EXOC6B: variants seen among roughly 807,000 people sequenced by gnomAD.
The protein encoded by EXOC6B is SEC15 homolog B.
A neutral mutation model predicts 113.5 loss-of-function variants in EXOC6B; 54 were observed. That is an observed-to-expected ratio of 0.48 (90% CI 0.38 to 0.60). The LOEUF (loss-of-function observed/expected upper bound fraction) is 0.60, where lower values mean the gene tolerates loss of function less well. Among genes scored for constraint, EXOC6B ranks in the 20% least tolerant of loss-of-function variants. The probability of loss-of-function intolerance (pLI) is 0.00; values close to 1 mark genes in which losing one functional copy is unlikely to be tolerated. For synonymous variants in EXOC6B, 357 were observed against 339.0 expected, an observed-to-expected ratio of 1.05 and a Z score of -0.58; for missense variants, 797 against 977.5, an observed-to-expected ratio of 0.82 and a Z score of 2.46.
chr2:72,810,761 G>A (rs754821386), intron 1 of EXOC6B, among the ~76,000 whole-genome samples: 13 of 152,158 alleles, frequency 8.5e-5, no homozygotes, highest in African/African-American at 2.6e-4. Flanking sequence ...ATAACCATAC[G>A]TCAGTAAGCA....
chr2:72,222,695 T>G (rs1436331774), intron 20 of EXOC6B, among the ~76,000 whole-genome samples: 1 of 152,166 alleles, frequency 6.6e-6, no homozygotes, highest in Non-Finnish European at 1.5e-5. Flanking sequence ...GTCATGCAGC[T>G]GGTGGGCTAC....
intron 6 of EXOC6B, among the ~76,000 whole-genome samples, chr2:72,615,974 T>C (rs1439878692): frequency 6.6e-6 from 1 of 152,150 alleles, no homozygotes; most frequent in Non-Finnish European, 1.5e-5. Context: ...TTTAAAATTT[T>C]TCAATGTAAA....
At chr2:72,404,802 T>C (rs574628474) in intron 18 of EXOC6B, among the ~76,000 whole-genome samples, 25 of 152,184 alleles carry the variant, frequency 1.6e-4, no homozygotes, top group Admixed American at 8.5e-4. Context: ...TCAGAGCGCC[T>C]TTCCTCCTCC....
At chr2:72,676,928 A>G (rs1676356648) in intron 6 of EXOC6B, among the ~76,000 whole-genome samples, 1 of 152,188 alleles carries the variant, frequency 6.6e-6, no homozygotes, top group African/African-American at 2.4e-5. Context: ...CAAGAAAGGA[A>G]TTCTACCAAA....
chr2:72,247,977 C>T (rs1682773158), intron 20 of EXOC6B, among the ~76,000 whole-genome samples: 1 of 152,098 alleles, frequency 6.6e-6, no homozygotes, highest in Non-Finnish European at 1.5e-5. Context: ...CTAGCTGTCC[C>T]TGAGGAGGCT....
chr2:72,602,359 C>T (rs1670487181), intron 6 of EXOC6B, among the ~76,000 whole-genome samples: 1 of 152,056 alleles, frequency 6.6e-6, no homozygotes, highest in Non-Finnish European at 1.5e-5. Context: ...GGATTTTATG[C>T]TTAAGTCTCT....
chr2:72,180,935 C>T (rs897365717), intron 21 of EXOC6B, among the ~76,000 whole-genome samples: 2 of 152,092 alleles, frequency 1.3e-5, no homozygotes, highest in African/African-American at 2.4e-5. Context: ...TTCGGCTGGG[C>T]GCGGTAGCTC....
intron 18 of EXOC6B, among the ~76,000 whole-genome samples, chr2:72,444,925 T>A (rs1048537023): frequency 4.6e-5 from 7 of 152,342 alleles, no homozygotes; most frequent in African/African-American, 1.4e-4. Flanking sequence ...ATAGGGATCC[T>A]CATTTCTAAT....
intron 18 of EXOC6B, among the ~76,000 whole-genome samples, chr2:72,447,902 T>C (rs1161784234): frequency 6.6e-6 from 1 of 152,188 alleles, no homozygotes; most frequent in African/African-American, 2.4e-5. Flanking sequence ...TCATTGTCTC[T>C]CACCAGAAAT....
intron 7 of EXOC6B, among the ~76,000 whole-genome samples, chr2:72,561,884 G>A (rs1703905043): frequency 6.6e-6 from 1 of 151,972 alleles, no homozygotes; most frequent in African/African-American, 2.4e-5. Context: ...TTAGCCACTG[G>A]AACCACCATC....
chr2:72,398,868 A>T (rs1692939323), intron 18 of EXOC6B, among the ~76,000 whole-genome samples: 1 of 152,078 alleles, frequency 6.6e-6, no homozygotes, highest in African/African-American at 2.4e-5. Context: ...AAGTTCAAGA[A>T]ACTCTTTGGT....
chr2:72,624,184 G>C (rs944651815), intron 6 of EXOC6B, among the ~76,000 whole-genome samples: 1 of 151,832 alleles, frequency 6.6e-6, no homozygotes, highest in African/African-American at 2.4e-5. Flanking sequence ...TGTCACCCAG[G>C]ATGGAATGCA....
At chr2:72,529,555 T>C (rs976833087) in intron 8 of EXOC6B, among the ~76,000 whole-genome samples, 1 of 152,188 alleles carries the variant, frequency 6.6e-6, no homozygotes, top group African/African-American at 2.4e-5. Flanking sequence ...CTTCTATAAA[T>C]GTTTGGTAGC....
intron 20 of EXOC6B, among the ~76,000 whole-genome samples, chr2:72,184,750 A>G (rs1161404461): frequency 6.6e-6 from 1 of 152,256 alleles, no homozygotes; most frequent in African/African-American, 2.4e-5. Flanking sequence ...TAGGACACAC[A>G]GATAACACAG....
At chr2:72,379,941 T>G (rs1445514627) in intron 18 of EXOC6B, 71 bp from the exon 19 acceptor site, 1 of 1,389,500 alleles carries the variant, frequency 7.2e-7, no homozygotes, top group Non-Finnish European at 9.6e-7. Flanking sequence ...TCAACAAAAC[T>G]TAAAATTACT....
At chr2:72,222,238 T>C (rs777173011) in intron 20 of EXOC6B, among the ~76,000 whole-genome samples, 40 of 152,226 alleles carry the variant, frequency 2.6e-4, no homozygotes, top group Admixed American at 1.1e-3. Flanking sequence ...ATACTATGAC[T>C]GCCACTCTAC....
At chr2:72,392,133 G>A (rs614653) in intron 18 of EXOC6B, among the ~76,000 whole-genome samples, 15,445 of 152,104 alleles carry the variant, frequency 0.1, 790 homozygotes, top group African/African-American at 0.12. Context: ...TCACAGGCCC[G>A]CTGCTCTGGA....
Position 72,334,961 on chromosome 2 carries a change from T to C in EXOC6B, c.2182A>G (p.Ile728Val). The change falls in exon 20 of 22, where the codon ATC becomes GTC. Residue 728 changes from isoleucine (I) to valine (V), a missense_variant. Coordinates refer to ENST00000272427, the MANE Select transcript of EXOC6B (RefSeq NM_015189.3). Reference sequence around the variant, plus strand: ...CAAAGACTTACTTGTCTCAAGTCGATGAAGGCCAACTGCAGCGTGTCCTCC... The same window carrying C: ...CAAAGACTTACTTGTCTCAAGTCGACGAAGGCCAACTGCAGCGTGTCCTCC... ...FQEDTLQLAF[I>V]DLRQLLDLFI... The C allele has an allele frequency of 6.2e-7, 1 of 1,613,380 alleles. No homozygotes were observed. Among genetic ancestry groups the C allele is most frequent in the Admixed American group, 1.7e-5 (1 of 59,980 alleles).
intron 20 of EXOC6B, among the ~76,000 whole-genome samples, chr2:72,257,801 A>C (rs1683442497): frequency 6.6e-6 from 1 of 152,184 alleles, no homozygotes; most frequent in African/African-American, 2.4e-5. Context: ...ACCATAGCCG[A>C]CATAGCCATG....
Sources: gnomAD v4.1 joint callset for allele counts (sites outside exome capture counted in the v4.1 genomes callset) on GRCh38, gnomAD v4.1.1 for gene constraint, MANE v1.5 for transcripts, NCBI Gene and HGNC (gene_info 2026-07-23, HGNC 2026-07-21) for gene names.